Variants in WASHC5 observed in about 807,000 individuals in gnomAD.
WASHC5 encodes WASH complex subunit strumpellin.
In WASHC5, 101 loss-of-function variants were observed where a neutral mutation model predicts 150.4. The ratio of observed to expected loss-of-function variants is 0.67; its 90% CI spans 0.57 to 0.79. The LOEUF (loss-of-function observed/expected upper bound fraction) is 0.79. Among genes scored for constraint, WASHC5 ranks in the 30% least tolerant of loss-of-function variants. WASHC5 has a pLI of 0.00. For synonymous variants in WASHC5, 467 were observed against 491.2 expected, an observed-to-expected ratio of 0.95 and a Z score of 0.65; for missense variants, 1,195 against 1,396.3, an observed-to-expected ratio of 0.86 and a Z score of 2.30.
chr8:125,027,432 G>C (rs550835610), intron 28 of WASHC5, among the ~76,000 whole-genome samples: 2 of 152,272 alleles, frequency 1.3e-5, no homozygotes, highest in Non-Finnish European at 2.9e-5. Context: ...GGAATGCTAC[G>C]CAGCCATAAA....
At chr8:125,074,465 C>A (rs563280522) in intron 8 of WASHC5, among the ~76,000 whole-genome samples, 1 of 152,106 alleles carries the variant, frequency 6.6e-6, no homozygotes, top group Non-Finnish European at 1.5e-5. Context: ...TATCTTTATT[C>A]CTCTACTTAC....
chr8:125,032,300 G>T lies in WASHC5; in HGVS notation c.3276C>A (p.Thr1092=). The T allele has an allele frequency of 6.2e-7, 1 of 1,614,144 alleles. No homozygotes were observed. Among genetic ancestry groups the T allele is most frequent in the Non-Finnish European group, 8.5e-7 (1 of 1,180,020 alleles). ...TLLKQFHSRY[T]EQFLALIGQF... ...GGCCAATCAGCGCCAGGAACTGCTC[G>T]GTGTACCGGGAATGGAACTGCTTCA... Residue 1092 remains threonine, a synonymous_variant, in exon 27 of 29, where the codon ACC becomes ACA. Coordinates refer to ENST00000318410, the MANE Select transcript of WASHC5 (RefSeq NM_014846.4).
chr8:125,073,166 A>G lies in WASHC5; in HGVS notation c.1137T>C (p.His379=), dbSNP rs1252380857. The stretch of plus-strand genomic sequence containing the variant: ...TTTGTGCATTACCTGAGTCTGCTGT[A>G]TGAAGCATCAGCCATCGGATGGCAA... The part of the protein sequence containing the change: ...CNVAIRWLML[H]TADSACDPNN... Residue 379 remains histidine, a synonymous_variant, in exon 9 of 29, where the codon CAT becomes CAC. Coordinates refer to ENST00000318410, the MANE Select transcript of WASHC5 (RefSeq NM_014846.4). 2.5e-6 allele frequency: 4 copies of G among 1,614,126 alleles called. No homozygotes were observed. The highest frequency in any genetic ancestry group is 2.2e-5 in the East Asian group (1 of 44,884).
At chr8:125,031,024 G>A (rs1255568072) in intron 27 of WASHC5, among the ~76,000 whole-genome samples, 1 of 152,202 alleles carries the variant, frequency 6.6e-6, no homozygotes, top group Non-Finnish European at 1.5e-5. Context: ...AACATCCAGA[G>A]ACACAGGTTC....
intron 24 of WASHC5, 44 bp from the exon 25 acceptor site, chr8:125,039,003 G>T (rs755519460): frequency 3.8e-6 from 6 of 1,594,550 alleles, no homozygotes; most frequent in Non-Finnish European, 5.2e-6. Context: ...GTGAGTAAAT[G>T]AATTTATACA....
At chr8:125,041,081 T>G (rs992338393) in intron 23 of WASHC5, among the ~76,000 whole-genome samples, 8 of 152,210 alleles carry the variant, frequency 5.3e-5, no homozygotes, top group Non-Finnish European at 7.3e-5. Context: ...ACTTGGAGAT[T>G]ATCTGCAATG....
intron 18 of WASHC5, among the ~76,000 whole-genome samples, chr8:125,049,926 C>T (rs1816189486): frequency 6.6e-6 from 1 of 151,684 alleles, no homozygotes; most frequent in Admixed American, 6.6e-5. Flanking sequence ...TACTCATTTC[C>T]TACTTCATCT....
At chr8:125,042,202 C>G (rs1815910661) in intron 23 of WASHC5, among the ~76,000 whole-genome samples, 1 of 152,190 alleles carries the variant, frequency 6.6e-6, no homozygotes. Flanking sequence ...TTGGAGATAT[C>G]TGGCTTATCA....
intron 17 of WASHC5, among the ~76,000 whole-genome samples, chr8:125,055,359 G>T (rs1238052241): frequency 6.6e-6 from 1 of 152,022 alleles, no homozygotes; most frequent in East Asian, 1.9e-4. Flanking sequence ...GGAGGTGGAG[G>T]TTGCAGTGAG....
chr8:125,081,504 G>T (rs772580433), intron 5 of WASHC5, among the ~76,000 whole-genome samples, 157 bp downstream of exon 5: 7 of 152,174 alleles, frequency 4.6e-5, no homozygotes, highest in Non-Finnish European at 1.0e-4. Context: ...TCCCAAAAGT[G>T]TTGGGATTAC....
At chr8:125,038,710 G>T in intron 25 of WASHC5, 120 bp downstream of exon 25, 2 of 1,185,508 alleles carry the variant, frequency 1.7e-6, no homozygotes, top group Non-Finnish European at 2.5e-6. Context: ...GAACTGAATG[G>T]AATGAAGGCT....
chr8:125,068,748 C>T (rs976029809), intron 9 of WASHC5, among the ~76,000 whole-genome samples: 20 of 152,258 alleles, frequency 1.3e-4, no homozygotes, highest in African/African-American at 4.6e-4. Context: ...GGCAGGCAGT[C>T]AGAGTTTTCT....
intron 12 of WASHC5, 46 bp downstream of exon 12, chr8:125,061,036 T>C: frequency 2.0e-6 from 2 of 1,023,646 alleles, no homozygotes. Flanking sequence ...GGTCATAAGG[T>C]GTGATTCATG....
chr8:125,060,650 A>G (rs1221188953), intron 12 of WASHC5, among the ~76,000 whole-genome samples: 1 of 152,162 alleles, frequency 6.6e-6, no homozygotes, highest in African/African-American at 2.4e-5. Context: ...TTCAGAAAAG[A>G]AAATATATCA....
chr8:125,079,142 A>ATATATAC (rs1312566224), intron 5 of WASHC5, among the ~76,000 whole-genome samples: 71 of 108,182 alleles, frequency 6.6e-4, no homozygotes, highest in African/African-American at 3.8e-3. Flanking sequence ...ATATATATAC[A>ATATATAC]TTTTTTTTTG....
At chr8:125,053,099 ATTTCTT>A (rs1198195320) in intron 17 of WASHC5, among the ~76,000 whole-genome samples, 1 of 143,598 alleles carries the variant, frequency 7.0e-6, no homozygotes, top group African/African-American at 2.7e-5. Context: ...GACGACCTGT[ATTTCTT>A]TTTTTTTTTT....
chr8:125,049,543 C>T (rs1816176292), intron 18 of WASHC5, among the ~76,000 whole-genome samples: 1 of 151,446 alleles, frequency 6.6e-6, no homozygotes, highest in African/African-American at 2.4e-5. Context: ...GGAGACAGAG[C>T]AAGACTTAAT....
intron 9 of WASHC5, among the ~76,000 whole-genome samples, chr8:125,072,167 A>G (rs976544156): frequency 6.6e-6 from 1 of 151,784 alleles, no homozygotes; most frequent in Non-Finnish European, 1.5e-5. Context: ...ACAGTGAAAC[A>G]CTGTCTCTAC....
intron 20 of WASHC5, chr8:125,044,981 G>A (rs1214336120): frequency 2.3e-6 from 1 of 440,002 alleles, no homozygotes; most frequent in East Asian, 4.7e-5. Context: ...ATCATGCTGA[G>A]AAGACAAGGT....
Sources: allele counts gnomAD v4.1 joint callset (sites outside exome capture counted in the v4.1 genomes callset), GRCh38; gene constraint gnomAD v4.1.1; transcripts MANE v1.5; gene names NCBI Gene and HGNC (gene_info 2026-07-23, HGNC 2026-07-21).